The following SYNE1 variants were observed in gnomAD, a reference collection of about 807,000 sequenced individuals.
The protein encoded by SYNE1 is spectrin repeat containing nuclear envelope protein 1, also known as nesprin-1.
Under a neutral mutation model 1,111.0 loss-of-function variants are expected in SYNE1, and 616 were observed. The ratio of observed to expected loss-of-function variants is 0.55; its 90% confidence interval spans 0.52 to 0.59. The LOEUF (loss-of-function observed/expected upper bound fraction) is 0.59. SYNE1 is among the 20% of genes least tolerant of loss of function. The pLI is 0.00. For missense variants in SYNE1, 10,006 were observed against 10,417.0 expected (o/e 0.96, Z 1.72); for synonymous variants, 3,855 against 3,825.8 (o/e 1.01, Z -0.28).
intron 4 of SYNE1, among the ~76,000 whole-genome samples, chr6:152,536,869 T>C (rs2099245853): frequency 2.0e-5 from 3 of 152,100 alleles, no homozygotes; most frequent in Admixed American, 2.0e-4. Flanking sequence ...ATCTACAAAA[T>C]AATAAAAATA....
chr6:152,177,348 C>T (rs1325792771), intron 129 of SYNE1, among the ~76,000 whole-genome samples: 1 of 152,156 alleles, frequency 6.6e-6, no homozygotes, highest in Non-Finnish European at 1.5e-5. Flanking sequence ...ACTGCTATCC[C>T]CAATGACCCT....
chr6:152,212,398 T>C (rs926681490), intron 123 of SYNE1, among the ~76,000 whole-genome samples: 8 of 152,170 alleles, frequency 5.3e-5, no homozygotes, highest in African/African-American at 1.7e-4. Context: ...TTGTGACTGG[T>C]TTCTTTCCCT....
At chr6:152,563,155 A>G (rs2099400468) in intron 3 of SYNE1, among the ~76,000 whole-genome samples, 1 of 152,098 alleles carries the variant, frequency 6.6e-6, no homozygotes, top group Non-Finnish European at 1.5e-5. Context: ...GGAGTCTTGT[A>G]GATTGTTTTT....
Position 152,391,579 on chromosome 6 carries a change from G to GCAAAAAA in SYNE1, c.7713-12_7713-11insTTTTTTG. ...TTATCAAGAGACTCTCTGAAAAAAAGGAAAAAAAAAAAAAAGAAAAAAAAT... is the reference window on the plus strand; with the variant it reads ...TTATCAAGAGACTCTCTGAAAAAAAGCAAAAAAGAAAAAAAAAAAAAAGAAAAAAAAT... On this transcript the variant is annotated splice_polypyrimidine_tract_variant and intron_variant, in intron 51 of 145. Transcript: ENST00000367255. 1.5e-5 allele frequency: 13 copies of GCAAAAAA among 855,022 alleles called. No homozygotes were observed. Among genetic ancestry groups the GCAAAAAA allele is most frequent in the East Asian group, 1.0e-4 (2 of 19,140 alleles). 53.0% of individuals were successfully genotyped at this position (855,022 alleles called of 1,614,324 possible).
chr6:152,237,086 A>G lies in SYNE1; in HGVS notation c.20068-138T>C, dbSNP rs1041573541. The G allele has an allele frequency of 6.7e-6, 8 of 1,202,654 alleles. No individual in the cohort carries two copies. The African/African-American group carries it at 1.2e-4, about 18-fold the overall frequency. 74.5% of individuals were successfully genotyped at this position (1,202,654 alleles called of 1,614,324 possible). ...TGTTTGCGTTGGGCCTTGCTTTGGG[A>G]AGCAAAAGATGGCTTTAAAGCAAGT... On this transcript the variant is annotated intron_variant, in intron 108 of 145. Coordinates refer to ENST00000367255, the MANE Select transcript of SYNE1 (RefSeq NM_182961.4).
intron 49 of SYNE1, 136 bp downstream of exon 49, chr6:152,398,483 C>G: frequency 1.3e-6 from 1 of 745,834 alleles, no homozygotes; most frequent in Non-Finnish European, 2.4e-6. Flanking sequence ...TTCCTTCTGA[C>G]TCAATCAGCC....
intron 32 of SYNE1, among the ~76,000 whole-genome samples, chr6:152,437,766 C>T (rs1461582612): frequency 1.3e-5 from 2 of 152,158 alleles, no homozygotes; most frequent in Non-Finnish European, 2.9e-5. Context: ...AAATTTTGAT[C>T]AACTCCCTTC....
intron 4 of SYNE1, among the ~76,000 whole-genome samples, chr6:152,527,533 CTATT>C (rs1311320392): frequency 6.6e-6 from 1 of 152,096 alleles, no homozygotes; most frequent in African/African-American, 2.4e-5. Context: ...ACAAAGAAAA[CTATT>C]TGGTGCAATA....
chr6:152,615,251 C>T (rs1411307618), intron 3 of SYNE1, among the ~76,000 whole-genome samples: 1 of 152,046 alleles, frequency 6.6e-6, no homozygotes, highest in African/African-American at 2.4e-5. Flanking sequence ...GTGAAGTTTG[C>T]TTTTTAAAAA....
Position 152,326,457 on chromosome 6 carries a change from C to A in SYNE1, c.15132G>T (p.Gln5044His). Residue 5044 changes from glutamine to histidine, a missense_variant, in exon 79 of 146, where the codon CAG becomes CAT. Coordinates refer to ENST00000367255, the MANE Select transcript of SYNE1 (RefSeq NM_182961.4). ...GGAGCTCCTCCAGGTTACTATGGAA[C>A]TGATCCTCTGTACTGAAAAATTCCA... ...SHMEFFSTED[Q>H]FHSNLEELHS... 6.2e-7 allele frequency: 1 copy of A among 1,614,194 alleles called. No individual in the cohort carries two copies. Among genetic ancestry groups the A allele is most frequent in the Admixed American group, 1.7e-5 (1 of 60,016 alleles).
rs1473683810 is a variant in SYNE1, at chr6:152,284,077, G to A, written c.18108C>T (p.Asp6036=). 6.2e-7 allele frequency: 1 copy of A among 1,614,186 alleles called. No homozygotes were observed. Among genetic ancestry groups the A allele is most frequent in the Non-Finnish European group, 8.5e-7 (1 of 1,180,018 alleles). The part of the protein sequence containing the change: ...EELVSESCEA[D]PAEQLALQST... The stretch of plus-strand genomic sequence containing the variant: ...ACTGCAAGGCCAGCTGCTCCGCAGG[G>A]TCGGCCTCACAAGACTCGGATACCA... The change falls in exon 96 of 146, where the codon GAC becomes GAT. Residue 6036 remains aspartate (D), a synonymous_variant. Transcript: ENST00000367255.
chr6:152,231,381 A>G lies in SYNE1; in HGVS notation c.21039+10T>C. The G allele has an allele frequency of 1.2e-6, 2 of 1,614,064 alleles. No individual in the cohort carries two copies. The highest frequency in any genetic ancestry group is 1.3e-5 in the African/African-American group (1 of 75,058). On this transcript the variant is annotated intron_variant, in intron 114 of 145. Transcript: ENST00000367255. The stretch of plus-strand genomic sequence containing the variant: ...ATGTAAATCTGGACAGTGGGAAGCC[A>G]CTGGCTTACCTTCTCAGTTACTAGA...
intron 115 of SYNE1, among the ~76,000 whole-genome samples, chr6:152,227,025 C>T (rs1388755870): frequency 2.0e-5 from 3 of 152,072 alleles, no homozygotes; most frequent in Non-Finnish European, 2.9e-5. Context: ...ATTTTCACCC[C>T]CCTCATGATC....
intron 16 of SYNE1, among the ~76,000 whole-genome samples, chr6:152,468,921 G>A (rs2098788115): frequency 1.3e-5 from 2 of 152,212 alleles, no homozygotes; most frequent in South Asian, 4.1e-4. Context: ...AACTACAGGT[G>A]CACACCATGA....
intron 5 of SYNE1, 44 bp from the exon 6 acceptor site, chr6:152,520,586 T>C (rs2099134219): frequency 1.9e-6 from 3 of 1,587,978 alleles, no homozygotes; most frequent in Middle Eastern, 1.7e-4. Context: ...AAAATCTGCA[T>C]ATTAAAATGT....
intron 3 of SYNE1, among the ~76,000 whole-genome samples, chr6:152,626,312 T>A (rs1330206047): frequency 1.3e-5 from 2 of 152,140 alleles, no homozygotes; most frequent in African/African-American, 4.8e-5. Flanking sequence ...AATGTTCACA[T>A]CTAATATATT....
intron 11 of SYNE1, among the ~76,000 whole-genome samples, chr6:152,492,861 T>C (rs1321276139): frequency 6.6e-6 from 1 of 152,222 alleles, no homozygotes; most frequent in Non-Finnish European, 1.5e-5. Context: ...TGGATATTGA[T>C]GGCCAGGCTG....
intron 29 of SYNE1, among the ~76,000 whole-genome samples, chr6:152,445,117 G>A (rs2098568801): frequency 6.6e-6 from 1 of 151,702 alleles, no homozygotes; most frequent in African/African-American, 2.4e-5. Context: ...AATCAAGGAA[G>A]GATAACAAAA....
In SYNE1 at chr6:152,441,592, A is replaced by C. The variant is rs112485973; in HGVS notation, c.4009-322T>G. Among the ~76,000 whole-genome samples, 2,676 of 152,334 alleles carry C rather than the reference A, an allele frequency of 0.018. 45 individuals are homozygous for C. Among genetic ancestry groups the C allele is most frequent in the Admixed American group, 0.044 (671 of 15,306 alleles). The stretch of plus-strand genomic sequence containing the variant: ...AAAAAAGGCCTCTCAATCTGTCTCA[A>C]ACAAGAAAGGAAGCACAGAAGAAGG... On this transcript the variant is annotated intron_variant, in intron 31 of 145. Transcript: ENST00000367255.
Sources: allele counts gnomAD v4.1 joint callset (sites outside exome capture counted in the v4.1 genomes callset), GRCh38; gene constraint gnomAD v4.1.1; transcripts MANE v1.5; gene names NCBI Gene and HGNC (gene_info 2026-07-23, HGNC 2026-07-21).